ARID1B: variants seen among roughly 807,000 people sequenced by gnomAD.
The protein encoded by ARID1B is AT-rich interaction domain 1B, also known as AT-rich interactive domain-containing protein 1B.
In ARID1B, 30 loss-of-function variants were observed where a neutral mutation model predicts 212.3. The observed-to-expected ratio is 0.14, with a 90% CI of 0.11 to 0.19. The LOEUF is 0.19. Ranked by LOEUF, ARID1B falls within the 10% of genes least tolerant of loss-of-function variation. The pLI, the probability that ARID1B is intolerant of heterozygous loss-of-function variation, is 1.00. For synonymous variants in ARID1B, 1,402 were observed against 1,301.7 expected (o/e 1.08, Z -1.66); for missense variants, 2,891 against 3,204.0 (o/e 0.90, Z 2.36).
At chr6:156,931,147 G>T (rs969421074) in intron 3 of ARID1B, among the ~76,000 whole-genome samples, 2 of 135,182 alleles carry the variant, frequency 1.5e-5, no homozygotes, top group Admixed American at 1.7e-4. Context: ...CCGAGATTGC[G>T]CCCACTGCAC....
intron 4 of ARID1B, among the ~76,000 whole-genome samples, chr6:157,035,966 A>G (rs760794997): frequency 4.9e-4 from 75 of 152,210 alleles, no homozygotes; most frequent in Non-Finnish European, 8.5e-4. Flanking sequence ...TGTGCCTTCT[A>G]CTTAAACACC....
chr6:156,899,155 T>C (rs1323768669), intron 2 of ARID1B, among the ~76,000 whole-genome samples: 6 of 152,184 alleles, frequency 3.9e-5, no homozygotes, highest in Admixed American at 3.9e-4. Context: ...AGGGCATCTA[T>C]ATGACTTAGG....
chr6:156,971,815 G>A (rs62422640), intron 4 of ARID1B, among the ~76,000 whole-genome samples: 47,770 of 151,714 alleles, frequency 0.31, 7,632 homozygotes, highest in African/African-American at 0.33. Flanking sequence ...TGCTTAGAAC[G>A]GGCCTACCCA....
chr6:157,131,585 T>A (rs1309627350), intron 6 of ARID1B, among the ~76,000 whole-genome samples: 1 of 152,002 alleles, frequency 6.6e-6, no homozygotes, highest in Non-Finnish European at 1.5e-5. Flanking sequence ...CTCTAGGAAA[T>A]GGGGCTGAAG....
intron 4 of ARID1B, among the ~76,000 whole-genome samples, chr6:157,046,644 T>G (rs1200774610): frequency 1.3e-5 from 2 of 152,254 alleles, no homozygotes; most frequent in Non-Finnish European, 2.9e-5. Context: ...GACTAAGATA[T>G]TCTTGTTGTC....
rs2128518014 is a variant in ARID1B at position 157,110,503 on chromosome 6, C to T, written c.2523C>T (p.Ser841=). ...AGATGCCTCCGCAGCCACCCGGGAGCCAGTCAGAATCCAGTTCCCATCCCG... is the reference window on the plus strand; with the variant it reads ...AGATGCCTCCGCAGCCACCCGGGAGTCAGTCAGAATCCAGTTCCCATCCCG... ...GSQMPPQPPG[S]QSESSSHPAL... Residue 841 remains serine, a synonymous_variant, in exon 6 of 20, where the codon AGC becomes AGT. Coordinates refer to ENST00000636930, the MANE Select transcript of ARID1B (RefSeq NM_001374828.1). 6.2e-7 allele frequency: 1 copy of T among 1,614,150 alleles called. No homozygotes were observed. The highest frequency in any genetic ancestry group is 2.2e-5 in the East Asian group (1 of 44,882).
chr6:157,111,403 G>A (rs540609817), intron 6 of ARID1B: 1 of 152,252 alleles, frequency 6.6e-6, no homozygotes, highest in Non-Finnish European at 1.5e-5. Context: ...CCCTGGTGCG[G>A]TGGCAGGTCA....
At chr6:156,842,573 T>A (rs1309271414) in intron 2 of ARID1B, among the ~76,000 whole-genome samples, 1 of 152,242 alleles carries the variant, frequency 6.6e-6, no homozygotes, top group East Asian at 1.9e-4. Context: ...TATGAACATT[T>A]GTGTACAGGT....
At chr6:157,043,277 C>G (rs1220649700) in intron 4 of ARID1B, among the ~76,000 whole-genome samples, 1 of 152,144 alleles carries the variant, frequency 6.6e-6, no homozygotes, top group Non-Finnish European at 1.5e-5. Flanking sequence ...TACCCTTCCT[C>G]TTGCTGCATT....
At chr6:157,196,858 C>T (rs1793764147) in intron 16 of ARID1B, among the ~76,000 whole-genome samples, 1 of 152,202 alleles carries the variant, frequency 6.6e-6, no homozygotes, top group Non-Finnish European at 1.5e-5. Flanking sequence ...AGAAAACCCA[C>T]AGCACAGGCC....
At chr6:157,149,698 A>G (rs566820331) in intron 8 of ARID1B, 7 of 152,372 alleles carry the variant, frequency 4.6e-5, no homozygotes, top group Non-Finnish European at 1.0e-4. Flanking sequence ...TTAAAAGCAC[A>G]TGTAAATATG....
intron 1 of ARID1B, among the ~76,000 whole-genome samples, chr6:156,828,806 T>G (rs1211855074): frequency 1.3e-5 from 2 of 152,216 alleles, no homozygotes; most frequent in Non-Finnish European, 2.9e-5. Context: ...TAAAATAAAA[T>G]CATTGTTCTA....
intron 1 of ARID1B, among the ~76,000 whole-genome samples, chr6:156,825,183 G>A (rs1403457017): frequency 6.6e-6 from 1 of 152,192 alleles, no homozygotes; most frequent in African/African-American, 2.4e-5. Context: ...GTTTCTTTAA[G>A]GGACTGGTAG....
intron 2 of ARID1B, among the ~76,000 whole-genome samples, chr6:156,869,888 A>G (rs1490540744): frequency 1.3e-5 from 2 of 152,188 alleles, no homozygotes; most frequent in East Asian, 3.8e-4. Context: ...CTTTAAAAAT[A>G]TTTAAAATAT....
chr6:156,973,036 C>T (rs933448508), intron 4 of ARID1B, among the ~76,000 whole-genome samples: 8 of 152,180 alleles, frequency 5.3e-5, no homozygotes, highest in African/African-American at 1.9e-4. Context: ...TAGTAGTTTA[C>T]AGAGTATAGA....
At chr6:157,114,912 C>T (rs553623403) in intron 6 of ARID1B, among the ~76,000 whole-genome samples, 1 of 152,182 alleles carries the variant, frequency 6.6e-6, no homozygotes, top group East Asian at 1.9e-4. Flanking sequence ...TAAGTCCCCC[C>T]AGTTTCAAGT....
At chr6:156,931,774 C>A (rs895426598) in intron 3 of ARID1B, among the ~76,000 whole-genome samples, 4 of 151,902 alleles carry the variant, frequency 2.6e-5, no homozygotes, top group African/African-American at 9.7e-5. Context: ...ACCAGCCTGA[C>A]CAACATGGAG....
At chr6:157,138,627 C>G (rs1789113186) in intron 7 of ARID1B, among the ~76,000 whole-genome samples, 1 of 152,086 alleles carries the variant, frequency 6.6e-6, no homozygotes, top group African/African-American at 2.4e-5. Flanking sequence ...AAAGACTTCC[C>G]CTGGATGGTG....
At chr6:157,068,682 A>C (rs1357194849) in intron 4 of ARID1B, among the ~76,000 whole-genome samples, 1 of 152,220 alleles carries the variant, frequency 6.6e-6, no homozygotes, top group Non-Finnish European at 1.5e-5. Context: ...AGATTTTGAG[A>C]TCATCATATG....
Sources: allele counts gnomAD v4.1 joint callset (sites outside exome capture counted in the v4.1 genomes callset), GRCh38; gene constraint gnomAD v4.1.1; transcripts MANE v1.5; gene names NCBI Gene and HGNC (gene_info 2026-07-23, HGNC 2026-07-21).